Variants in SMYD3 observed in about 807,000 individuals in gnomAD.
The protein encoded by SMYD3 is SET and MYND domain containing 3.
In SMYD3, 36 loss-of-function variants were observed where a neutral mutation model predicts 57.7. The ratio of observed to expected loss-of-function variants is 0.62; its 90% CI spans 0.48 to 0.82. SMYD3 has a LOEUF of 0.82. SMYD3 is among the 40% of genes least tolerant of loss of function. SMYD3 has a pLI of 0.00. For synonymous variants in SMYD3, 211 were observed against 195.0 expected, an observed-to-expected ratio of 1.08 and a Z score of -0.68; for missense variants, 515 against 538.8, an observed-to-expected ratio of 0.96 and a Z score of 0.44.
At chr1:246,260,435 G>A (rs2063983256) in intron 5 of SMYD3, among the ~76,000 whole-genome samples, 1 of 150,694 alleles carries the variant, frequency 6.6e-6, no homozygotes, top group Non-Finnish European at 1.5e-5. Flanking sequence ...TGTTGTTGTT[G>A]TTGTTGTTGT....
chr1:245,794,383 T>C (rs902102908), intron 10 of SMYD3, among the ~76,000 whole-genome samples: 1 of 152,252 alleles, frequency 6.6e-6, no homozygotes, highest in Admixed American at 6.5e-5. Context: ...CTTTCGCACA[T>C]TGAAGACATT....
chr1:245,796,881 A>T (rs1292533172), intron 10 of SMYD3, among the ~76,000 whole-genome samples: 1 of 152,142 alleles, frequency 6.6e-6, no homozygotes, highest in Non-Finnish European at 1.5e-5. Context: ...TCTTTCTCCC[A>T]CTGGCTCTGC....
intron 5 of SMYD3, among the ~76,000 whole-genome samples, chr1:246,007,863 A>C (rs556363079): frequency 6.6e-6 from 1 of 151,056 alleles, no homozygotes; most frequent in South Asian, 2.1e-4. Context: ...CTGTGGGGCA[A>C]TTTGTACTCA....
chr1:246,453,023 C>G (rs761149849), intron 1 of SMYD3, among the ~76,000 whole-genome samples: 2 of 152,202 alleles, frequency 1.3e-5, no homozygotes, highest in Non-Finnish European at 2.9e-5. Flanking sequence ...TTATTTACCA[C>G]ACATTTTTAC....
intron 10 of SMYD3, among the ~76,000 whole-genome samples, chr1:245,830,010 G>GA (rs1407308203): frequency 2.0e-5 from 3 of 152,120 alleles, no homozygotes; most frequent in African/African-American, 4.8e-5. Context: ...CTTTGGGGGT[G>GA]ATAAAAATGT....
At chr1:245,967,596 A>G (rs1206669599) in intron 5 of SMYD3, among the ~76,000 whole-genome samples, 3 of 152,186 alleles carry the variant, frequency 2.0e-5, no homozygotes, top group Admixed American at 1.3e-4. Flanking sequence ...TCCGGTGTCT[A>G]CCTAGTGTGA....
chr1:246,177,578 A>G (rs2062455462), intron 5 of SMYD3, among the ~76,000 whole-genome samples: 1 of 152,132 alleles, frequency 6.6e-6, no homozygotes, highest in Non-Finnish European at 1.5e-5. Flanking sequence ...ACAGCAAAAA[A>G]GAACAAAGGT....
intron 8 of SMYD3, among the ~76,000 whole-genome samples, chr1:245,876,623 A>G (rs2052500784): frequency 6.6e-6 from 1 of 152,232 alleles, no homozygotes. Context: ...AAAAGTGACC[A>G]AGTCTGTGGC....
At chr1:246,340,524 T>C (rs538749050) in intron 2 of SMYD3, among the ~76,000 whole-genome samples, 3 of 152,132 alleles carry the variant, frequency 2.0e-5, no homozygotes, top group East Asian at 1.9e-4. Flanking sequence ...CTAGATAACA[T>C]AGTGTCCCAT....
chr1:246,286,087 C>T (rs972963794), intron 5 of SMYD3, among the ~76,000 whole-genome samples: 1 of 152,082 alleles, frequency 6.6e-6, no homozygotes, highest in Admixed American at 6.5e-5. Flanking sequence ...GTGGAGATTC[C>T]TTAAAGAACT....
At chr1:246,326,852 C>CA in intron 5 of SMYD3, 2 of 321,784 alleles carry the variant, frequency 6.2e-6, no homozygotes, top group East Asian at 1.5e-4. Flanking sequence ...CCATAAAACT[C>CA]AATGAATGCA....
intron 2 of SMYD3, among the ~76,000 whole-genome samples, chr1:246,352,136 CAAAAAAAAAAAA>C (rs10581690): frequency 5.0e-5 from 3 of 60,476 alleles, no homozygotes; most frequent in Non-Finnish European, 8.9e-5. Context: ...GACTCTGTCT[CAAAAAAAAAAAA>C]AAAAAAAAAA....
intron 1 of SMYD3, among the ~76,000 whole-genome samples, chr1:246,408,976 TTAAAGTA>T (rs1260618810): frequency 6.6e-6 from 1 of 152,154 alleles, no homozygotes; most frequent in Non-Finnish European, 1.5e-5. Context: ...AGCCAAGTCT[TTAAAGTA>T]TAAAACCTTA....
intron 1 of SMYD3, among the ~76,000 whole-genome samples, chr1:246,503,264 C>A (rs1328370511): frequency 6.6e-6 from 1 of 152,222 alleles, no homozygotes; most frequent in Non-Finnish European, 1.5e-5. Flanking sequence ...CTGGGAGGCA[C>A]TAAGCCTCAT....
At chr1:246,007,479 A>G (rs1267831340) in intron 5 of SMYD3, among the ~76,000 whole-genome samples, 12 of 151,948 alleles carry the variant, frequency 7.9e-5, no homozygotes, top group Non-Finnish European at 1.6e-4. Context: ...GAGATGGAAG[A>G]GTTAGGGGAA....
chr1:246,090,140 T>C (rs1169320226), intron 5 of SMYD3, among the ~76,000 whole-genome samples: 1 of 152,158 alleles, frequency 6.6e-6, no homozygotes, highest in Non-Finnish European at 1.5e-5. Context: ...GACCCAGGCT[T>C]AAATTGCAAA....
chr1:245,847,525 T>A (rs193047557), intron 10 of SMYD3, among the ~76,000 whole-genome samples: 2 of 152,222 alleles, frequency 1.3e-5, no homozygotes, highest in Non-Finnish European at 2.9e-5. Flanking sequence ...TTATCCTTCA[T>A]TACCCATTTT....
chr1:245,969,894 A>G (rs1334828304), intron 5 of SMYD3, among the ~76,000 whole-genome samples: 1 of 152,250 alleles, frequency 6.6e-6, no homozygotes, highest in Admixed American at 6.5e-5. Flanking sequence ...GACATTTATC[A>G]TAAAGACTAT....
At chr1:246,092,715 G>T (rs4323676) in intron 5 of SMYD3, among the ~76,000 whole-genome samples, 120,009 of 152,078 alleles carry the variant, frequency 0.79, 47,775 homozygotes, top group Admixed American at 0.84. Context: ...TGTCTTTTGA[G>T]AAGACCACAA....
Sources: allele counts gnomAD v4.1 joint callset (sites outside exome capture counted in the v4.1 genomes callset), GRCh38; gene constraint gnomAD v4.1.1; transcripts MANE v1.5; gene names NCBI Gene and HGNC (gene_info 2026-07-23, HGNC 2026-07-21).